ATXN7L1: variants seen among roughly 807,000 people sequenced by gnomAD.
ATXN7L1 encodes the protein ataxin 7 like 1.
A neutral mutation model predicts 70.8 loss-of-function variants in ATXN7L1; 15 were observed. The observed-to-expected ratio is 0.21, with a 90% CI of 0.14 to 0.33. The LOEUF is 0.33. Ranked by LOEUF, ATXN7L1 falls within the 10% of genes least tolerant of loss-of-function variation. The pLI is 1.00. For synonymous variants in ATXN7L1, 440 were observed against 445.1 expected (o/e 0.99, Z 0.14); for missense variants, 975 against 1,097.1 (o/e 0.89, Z 1.57).
chr7:105,770,566 G>T (rs997692527), intron 3 of ATXN7L1, among the ~76,000 whole-genome samples: 12 of 152,166 alleles, frequency 7.9e-5, no homozygotes, highest in African/African-American at 2.9e-4. Context: ...ATAAGTGTGT[G>T]CTGTGCTGAC....
chr7:105,855,336 T>C (rs1291691148), intron 2 of ATXN7L1, among the ~76,000 whole-genome samples: 1 of 152,244 alleles, frequency 6.6e-6, no homozygotes, highest in Non-Finnish European at 1.5e-5. Context: ...AAAATGAGTG[T>C]GGCTATGTTC....
chr7:105,818,782 G>A (rs373049302), intron 2 of ATXN7L1, among the ~76,000 whole-genome samples: 4 of 152,068 alleles, frequency 2.6e-5, no homozygotes, highest in South Asian at 2.1e-4. Flanking sequence ...ATCCTTTACC[G>A]AAAAACTGGG....
intron 4 of ATXN7L1, 104 bp downstream of exon 4, chr7:105,664,962 A>T: frequency 1.7e-6 from 2 of 1,164,534 alleles, no homozygotes; most frequent in Non-Finnish European, 2.4e-6. Context: ...AAATTCCTGC[A>T]TGTGACACCT....
intron 2 of ATXN7L1, among the ~76,000 whole-genome samples, chr7:105,842,859 A>C (rs1201113698): frequency 1.3e-5 from 2 of 152,074 alleles, no homozygotes; most frequent in Non-Finnish European, 2.9e-5. Flanking sequence ...AACACTTGTA[A>C]TTTTCCTTTC....
At chr7:105,624,969 A>G (rs56175447) in intron 7 of ATXN7L1, among the ~76,000 whole-genome samples, 4,478 of 152,320 alleles carry the variant, frequency 0.029, 222 homozygotes, top group African/African-American at 0.1. Flanking sequence ...CTTGCCATAC[A>G]GTTGCTTTCC....
chr7:105,768,022 C>T (rs566548452), intron 3 of ATXN7L1, among the ~76,000 whole-genome samples: 3 of 152,328 alleles, frequency 2.0e-5, no homozygotes, highest in East Asian at 1.9e-4. Flanking sequence ...AACATTCCAT[C>T]GTGATGCCCA....
At chr7:105,673,188 A>G (rs1360876405) in intron 3 of ATXN7L1, among the ~76,000 whole-genome samples, 1 of 152,240 alleles carries the variant, frequency 6.6e-6, no homozygotes, top group Non-Finnish European at 1.5e-5. Flanking sequence ...CCATTTCAGT[A>G]AAAATTCAGT....
chr7:105,744,019 A>G (rs569538895), intron 3 of ATXN7L1, among the ~76,000 whole-genome samples: 1 of 152,258 alleles, frequency 6.6e-6, no homozygotes, highest in African/African-American at 2.4e-5. Context: ...TTGCAGCATG[A>G]GCTTGATGGC....
At chr7:105,862,507 C>A (rs62482805) in intron 2 of ATXN7L1, among the ~76,000 whole-genome samples, 1 of 152,184 alleles carries the variant, frequency 6.6e-6, no homozygotes, top group East Asian at 1.9e-4. Flanking sequence ...GGCTGGGATT[C>A]TGTCCCATTA....
intron 2 of ATXN7L1, among the ~76,000 whole-genome samples, chr7:105,864,631 T>C (rs1340047347): frequency 1.4e-5 from 2 of 143,250 alleles, no homozygotes; most frequent in Non-Finnish European, 3.1e-5. Flanking sequence ...GATTCATTCG[T>C]TTTTTTTTTT....
At chr7:105,636,254 G>C (rs1797340871) in intron 7 of ATXN7L1, among the ~76,000 whole-genome samples, 2 of 152,108 alleles carry the variant, frequency 1.3e-5, no homozygotes, top group Non-Finnish European at 2.9e-5. Context: ...AATTAGCCAG[G>C]CATGGCGGCA....
chr7:105,753,109 C>T (rs1479802017), intron 3 of ATXN7L1, among the ~76,000 whole-genome samples: 1 of 152,232 alleles, frequency 6.6e-6, no homozygotes, highest in Non-Finnish European at 1.5e-5. Context: ...AGAGCCAGTG[C>T]TGCAGACTCA....
At chr7:105,690,919 A>AGGC (rs1703234266) in intron 3 of ATXN7L1, among the ~76,000 whole-genome samples, 1 of 152,142 alleles carries the variant, frequency 6.6e-6, no homozygotes, top group Non-Finnish European at 1.5e-5. Flanking sequence ...ACGGGCCCCC[A>AGGC]AAGATGCTAC....
chr7:105,641,589 G>A (rs1250264075), intron 5 of ATXN7L1, among the ~76,000 whole-genome samples: 1 of 152,270 alleles, frequency 6.6e-6, no homozygotes, highest in Non-Finnish European at 1.5e-5. Flanking sequence ...ATGGCGAGGA[G>A]CCCTCGGCCT....
At position 105,714,756 on chromosome 7, in the gene ATXN7L1, G is replaced by A. The variant is rs1453334595; in HGVS notation, c.356-49468C>T. Reference sequence around the variant, plus strand: ...CGGCTCACTGCAATCTCTGCCTCCTGGATTCAAGCAATTCTCGTGCCTCAG... The same window carrying A: ...CGGCTCACTGCAATCTCTGCCTCCTAGATTCAAGCAATTCTCGTGCCTCAG... On this transcript the variant is annotated intron_variant, in intron 3 of 11. Coordinates refer to ENST00000419735, the MANE Select transcript of ATXN7L1 (RefSeq NM_020725.2). 2.6e-5 allele frequency among the ~76,000 whole-genome samples: 4 copies of A among 152,174 alleles called. No homozygotes were observed. The East Asian group carries it at 7.7e-4, about 29-fold the overall frequency.
chr7:105,617,988 C>G, intron 9 of ATXN7L1: 1 of 456,758 alleles, frequency 2.2e-6, no homozygotes, highest in Non-Finnish European at 4.4e-6. Context: ...GCTACGCTCT[C>G]CAGAGTTGAC....
chr7:105,846,151 A>T (rs1003709136), intron 2 of ATXN7L1, among the ~76,000 whole-genome samples: 2 of 152,214 alleles, frequency 1.3e-5, no homozygotes, highest in Non-Finnish European at 2.9e-5. Context: ...ATATCTGATA[A>T]GAAATATATA....
chr7:105,633,349 T>C (rs1796883663), intron 7 of ATXN7L1, among the ~76,000 whole-genome samples: 1 of 152,226 alleles, frequency 6.6e-6, no homozygotes, highest in African/African-American at 2.4e-5. Flanking sequence ...TGTTCCAGGA[T>C]GACAGGAACT....
intron 2 of ATXN7L1, among the ~76,000 whole-genome samples, chr7:105,823,837 G>A (rs1247756251): frequency 1.3e-5 from 2 of 152,230 alleles, no homozygotes; most frequent in Non-Finnish European, 2.9e-5. Flanking sequence ...TGGATGCAAA[G>A]TGAGTATATC....
Sources: gnomAD v4.1 joint callset for allele counts (sites outside exome capture counted in the v4.1 genomes callset) on GRCh38, gnomAD v4.1.1 for gene constraint, MANE v1.5 for transcripts, NCBI Gene and HGNC (gene_info 2026-07-23, HGNC 2026-07-21) for gene names.